Variants in LHX8 observed in about 807,000 individuals in gnomAD.
The protein encoded by LHX8 is LIM homeobox 8.
Under a neutral mutation model 40.3 loss-of-function variants are expected in LHX8, and 12 were observed. The ratio of observed to expected loss-of-function variants is 0.30; its 90% CI spans 0.19 to 0.48. The LOEUF (loss-of-function observed/expected upper bound fraction) is 0.48, where lower values mean the gene tolerates loss of function less well. LHX8 is among the 20% of genes least tolerant of loss of function. LHX8 has a pLI of 0.99. For missense variants in LHX8, 344 were observed against 433.7 expected, an observed-to-expected ratio of 0.79 and a Z score of 1.84; for synonymous variants, 179 against 162.0, an observed-to-expected ratio of 1.10 and a Z score of -0.80.
intron 7 of LHX8, among the ~76,000 whole-genome samples, chr1:75,155,560 G>C (rs1341731146): frequency 6.6e-6 from 1 of 152,114 alleles, no homozygotes; most frequent in Non-Finnish European, 1.5e-5. Context: ...CTATGGTCAA[G>C]TTTTATCACC....
chr1:75,159,355 T>C (rs1018756754), intron 8 of LHX8: 3 of 152,154 alleles, frequency 2.0e-5, no homozygotes, highest in Admixed American at 1.3e-4. Flanking sequence ...GGTGTGCTTC[T>C]TGAATATGTA....
At chr1:75,188,267 G>T in the LHX8 span, among the ~76,000 whole-genome samples, 1 of 152,052 alleles carries the variant, frequency 6.6e-6, no homozygotes, top group Non-Finnish European at 1.5e-5. Flanking sequence ...CACACTCAAT[G>T]AGAAGATTTA....
chr1:75,149,007 A>T (rs973124240), intron 7 of LHX8, among the ~76,000 whole-genome samples: 3 of 152,238 alleles, frequency 2.0e-5, no homozygotes, highest in African/African-American at 7.2e-5. Context: ...TGTAATGATT[A>T]TCCTGCTTGG....
At position 75,136,589 on chromosome 1, in the gene LHX8, C is replaced by G. The variant is rs992390315; in HGVS notation, c.-12-14C>G. The G allele has an allele frequency of 1.3e-6, 2 of 1,537,028 alleles. No individual in the cohort carries two copies. Among genetic ancestry groups the G allele is most frequent in the Admixed American group, 2.0e-5 (1 of 50,978 alleles). Reference sequence around the variant, plus strand: ...ATCTGTTTCTCCATACTTTCTCCCCCTCCTACTCCGCAGTGTCAGGGGCTC... The same window carrying G: ...ATCTGTTTCTCCATACTTTCTCCCCGTCCTACTCCGCAGTGTCAGGGGCTC... On this transcript the variant is annotated splice_polypyrimidine_tract_variant and intron_variant, in intron 1 of 8. Transcript: ENST00000356261.
upstream of LHX8, chr1:75,130,889 A>C: frequency 1.3e-6 from 1 of 759,782 alleles, no homozygotes; most frequent in Non-Finnish European, 2.4e-6. Context: ...GTTTTAGCTG[A>C]GATTTCACCT....
At chr1:75,178,773 A>T in the LHX8 span, among the ~76,000 whole-genome samples, 5 of 152,144 alleles carry the variant, frequency 3.3e-5, no homozygotes, top group African/African-American at 1.2e-4. Context: ...TTAGGGTGTC[A>T]ATTTTAGATC....
At chr1:75,194,183 G>T in the LHX8 span, among the ~76,000 whole-genome samples, 4 of 152,072 alleles carry the variant, frequency 2.6e-5, no homozygotes, top group East Asian at 7.7e-4. Context: ...CAACTTTTGG[G>T]GCATACCTCC....
the LHX8 span, among the ~76,000 whole-genome samples, chr1:75,176,746 C>T: frequency 6.6e-6 from 1 of 152,136 alleles, no homozygotes; most frequent in Non-Finnish European, 1.5e-5. Flanking sequence ...AAGTCCTCGC[C>T]CATGCCTATG....
At chr1:75,195,194 A>T in the LHX8 span, among the ~76,000 whole-genome samples, 6 of 152,200 alleles carry the variant, frequency 3.9e-5, no homozygotes, top group South Asian at 1.2e-3. Context: ...ACCATGTTAA[A>T]TTTTCACATT....
At chr1:75,175,793 G>C in the LHX8 span, among the ~76,000 whole-genome samples, 2 of 151,938 alleles carry the variant, frequency 1.3e-5, no homozygotes, top group African/African-American at 4.8e-5. Context: ...ATTTACATTA[G>C]GTATTTCTCC....
At chr1:75,165,888 C>T (rs1649022612), downstream of LHX8, among the ~76,000 whole-genome samples, 1 of 152,186 alleles carries the variant, frequency 6.6e-6, no homozygotes. Context: ...GAATGGGAGA[C>T]AGCTGGATTT....
At chr1:75,159,102 G>A (rs1466638711) in intron 8 of LHX8, among the ~76,000 whole-genome samples, 2 of 152,066 alleles carry the variant, frequency 1.3e-5, no homozygotes, top group East Asian at 1.9e-4. Flanking sequence ...TCAGTTGTAA[G>A]TGGTATTTTC....
chr1:75,146,797 T>C (rs1251884540), intron 6 of LHX8, among the ~76,000 whole-genome samples: 1 of 152,190 alleles, frequency 6.6e-6, no homozygotes, highest in African/African-American at 2.4e-5. Flanking sequence ...CAATTCTAAA[T>C]GATCAGAGTT....
At chr1:75,156,794 A>G in intron 7 of LHX8, 99 bp from the exon 8 acceptor site, 2 of 1,001,624 alleles carry the variant, frequency 2.0e-6, no homozygotes, top group African/African-American at 1.6e-5. Flanking sequence ...CTTGTGTGGT[A>G]GTGTGATTGA....
intron 8 of LHX8, among the ~76,000 whole-genome samples, chr1:75,158,499 T>C (rs11810799): frequency 0.016 from 2,504 of 152,266 alleles, 69 homozygotes; most frequent in African/African-American, 0.058. Context: ...TTCTATGATA[T>C]CATCTAGAAA....
At chr1:75,174,239 G>T in the LHX8 span, among the ~76,000 whole-genome samples, 1 of 152,212 alleles carries the variant, frequency 6.6e-6, no homozygotes, top group East Asian at 1.9e-4. Context: ...TAGCAATTTG[G>T]TCATCTACCC....
chr1:75,154,396 T>A (rs1648698895), intron 7 of LHX8, among the ~76,000 whole-genome samples: 1 of 152,080 alleles, frequency 6.6e-6, no homozygotes, highest in South Asian at 2.1e-4. Context: ...TGAGTGTTTT[T>A]TTTTTTCAAT....
At chr1:75,177,974 C>T in the LHX8 span, among the ~76,000 whole-genome samples, 2 of 152,046 alleles carry the variant, frequency 1.3e-5, no homozygotes, top group African/African-American at 2.4e-5. Context: ...TGATGGATTA[C>T]ATTTGTTGAT....
chr1:75,177,396 T>C, the LHX8 span, among the ~76,000 whole-genome samples: 4 of 152,180 alleles, frequency 2.6e-5, no homozygotes, highest in South Asian at 2.1e-4. Context: ...TCACATCCCT[T>C]GTAAGTTGGA....
Sources: gnomAD v4.1 joint callset for allele counts (sites outside exome capture counted in the v4.1 genomes callset) on GRCh38, gnomAD v4.1.1 for gene constraint, MANE v1.5 for transcripts, NCBI Gene and HGNC (gene_info 2026-07-23, HGNC 2026-07-21) for gene names.